Variants in TDRD5 observed in about 807,000 individuals in gnomAD.
The protein encoded by TDRD5 is tudor domain-containing protein 5.
A neutral mutation model predicts 120.6 loss-of-function variants in TDRD5; 41 were observed. The observed-to-expected ratio is 0.34, with a 90% CI of 0.26 to 0.44. The LOEUF (loss-of-function observed/expected upper bound fraction) is 0.44. Ranked by LOEUF, TDRD5 falls within the 20% of genes least tolerant of loss-of-function variation. The probability of loss-of-function intolerance (pLI) is 1.00; values close to 1 mark genes in which losing one functional copy is unlikely to be tolerated. For missense variants in TDRD5, 1,006 were observed against 1,221.2 expected (o/e 0.82, Z 2.63); for synonymous variants, 430 against 433.7 (o/e 0.99, Z 0.11).
chr1:179,652,105 T>G lies in TDRD5; in HGVS notation c.2068T>G (p.Leu690Val), dbSNP rs1187430918. 6.2e-7 allele frequency: 1 copy of G among 1,614,134 alleles called. No individual in the cohort carries two copies. The highest frequency in any genetic ancestry group is 8.5e-7 in the Non-Finnish European group (1 of 1,180,022). The change falls in exon 13 of 18, where the codon TTG becomes GTG. Residue 690 changes from leucine to valine, a missense_variant. Physicochemically the swap from Leu to Val is conservative, Grantham distance 32 (BLOSUM62 1). Coordinates refer to ENST00000444136, the MANE Select transcript of TDRD5 (RefSeq NM_001199085.3). The part of the protein sequence containing the change: ...TSSGGPEDIV[L>V]TELGYPSQQH... ...CAGTGGAGGGCCAGAGGACATTGTCTTGACAGAACTGGGTTATCCTTCCCA... is the reference window on the plus strand; with the variant it reads ...CAGTGGAGGGCCAGAGGACATTGTCGTGACAGAACTGGGTTATCCTTCCCA...
chr1:179,673,621 C>T (rs1679968935), intron 17 of TDRD5, among the ~76,000 whole-genome samples: 1 of 152,106 alleles, frequency 6.6e-6, no homozygotes, highest in African/African-American at 2.4e-5. Context: ...AGGGAGGGAG[C>T]TTCCAGGTCA....
chr1:179,634,440 C>T lies in TDRD5; in HGVS notation c.1127-17C>T, dbSNP rs200581172. On this transcript the variant is annotated splice_polypyrimidine_tract_variant and intron_variant, in intron 7 of 17. Coordinates refer to ENST00000444136, the MANE Select transcript of TDRD5 (RefSeq NM_001199085.3). ...TTTGAGATGGAGTTGTTTCATCAGTCGGAAATTTGTGTTTAGTTCAGTCAG... is the reference window on the plus strand; with the variant it reads ...TTTGAGATGGAGTTGTTTCATCAGTTGGAAATTTGTGTTTAGTTCAGTCAG... 1.6e-5 allele frequency: 26 copies of T among 1,582,162 alleles called. No homozygotes were observed. The highest frequency in any genetic ancestry group is 2.2e-5 in the East Asian group (1 of 44,718).
intron 4 of TDRD5, among the ~76,000 whole-genome samples, chr1:179,612,601 T>G (rs551400045): frequency 6.6e-6 from 1 of 152,246 alleles, no homozygotes; most frequent in African/African-American, 2.4e-5. Context: ...GGAACAGAGA[T>G]CTGGCATTTC....
intron 4 of TDRD5, 52 bp downstream of exon 4, chr1:179,595,870 G>A: frequency 6.6e-7 from 1 of 1,515,386 alleles, no homozygotes; most frequent in East Asian, 2.3e-5. Flanking sequence ...TAAATTCAGT[G>A]GTGTTAACAC....
intron 3 of TDRD5, among the ~76,000 whole-genome samples, chr1:179,595,323 G>A (rs568419659): frequency 6.6e-6 from 1 of 152,218 alleles, no homozygotes; most frequent in East Asian, 1.9e-4. Flanking sequence ...TCCTAAATGG[G>A]ATACAGCTTT....
intron 7 of TDRD5, among the ~76,000 whole-genome samples, chr1:179,632,607 T>C (rs1677519040): frequency 6.6e-6 from 1 of 152,050 alleles, no homozygotes; most frequent in South Asian, 2.1e-4. Flanking sequence ...TAGATAGATC[T>C]TTTTTTTTAA....
chr1:179,661,790 G>A (rs182164274), intron 14 of TDRD5, among the ~76,000 whole-genome samples: 22 of 152,136 alleles, frequency 1.4e-4, no homozygotes, highest in Middle Eastern at 3.4e-3. Context: ...TATAGATTTG[G>A]GTTGCTTCTC....
intron 17 of TDRD5, among the ~76,000 whole-genome samples, chr1:179,670,123 GGCTCACGC>G (rs1383755802): frequency 6.6e-6 from 1 of 152,180 alleles, no homozygotes; most frequent in African/African-American, 2.4e-5. Context: ...TGGGCACGAT[GGCTCACGC>G]CTGTAATCCC....
Position 179,630,813 on chromosome 1 carries a change from A to G in TDRD5, c.1019A>G (p.Asn340Ser). Residue 340 changes from asparagine to serine, a missense_variant, in exon 7 of 18, where the codon AAT (asparagine) becomes AGT (serine). By Grantham distance (46) the Asn-to-Ser change is conservative. Coordinates refer to ENST00000444136, the MANE Select transcript of TDRD5 (RefSeq NM_001199085.3). ...TCACCAAAAAAATTAGGCTTCTTAA[A>G]TGTGACAGAACTTGTTGGAGCTCTT... The part of the protein sequence containing the change: ...QLSPKKLGFL[N>S]VTELVGALSD... 6.2e-7 allele frequency: 1 copy of G among 1,614,036 alleles called. No individual in the cohort carries two copies. The highest frequency in any genetic ancestry group is 1.1e-5 in the South Asian group (1 of 91,054).
intron 17 of TDRD5, among the ~76,000 whole-genome samples, chr1:179,676,896 C>T (rs1680171976): frequency 6.6e-6 from 1 of 152,208 alleles, no homozygotes; most frequent in African/African-American, 2.4e-5. Context: ...ATCTAGATCT[C>T]TAGCAAGACC....
At chr1:179,599,881 CACTT>C (rs1675611703) in intron 4 of TDRD5, among the ~76,000 whole-genome samples, 1 of 152,154 alleles carries the variant, frequency 6.6e-6, no homozygotes. Context: ...TGCAATGCAA[CACTT>C]ACATTTGTGG....
intron 4 of TDRD5, among the ~76,000 whole-genome samples, chr1:179,615,559 C>T (rs541745393): frequency 7.2e-5 from 11 of 152,208 alleles, no homozygotes; most frequent in African/African-American, 2.6e-4. Flanking sequence ...ATCTCATTCG[C>T]TTGGTTTATT....
At chr1:179,687,552 A>G (rs899794607) in intron 17 of TDRD5, among the ~76,000 whole-genome samples, 4 of 152,190 alleles carry the variant, frequency 2.6e-5, no homozygotes, top group Non-Finnish European at 2.9e-5. Flanking sequence ...GTAGATGTCT[A>G]TTAGGTCTGC....
chr1:179,594,472 A>G (rs1268055835), intron 3 of TDRD5, among the ~76,000 whole-genome samples: 1 of 152,230 alleles, frequency 6.6e-6, no homozygotes, highest in African/African-American at 2.4e-5. Flanking sequence ...ATGGCTGGAA[A>G]AGTGGTACAG....
At chr1:179,626,009 A>C (rs1416130204) in intron 6 of TDRD5, among the ~76,000 whole-genome samples, 2 of 152,152 alleles carry the variant, frequency 1.3e-5, no homozygotes, top group South Asian at 4.2e-4. Flanking sequence ...GTGGGAATTG[A>C]ACAATGAGAA....
In TDRD5 at chr1:179,624,310, A is replaced by G. The variant is rs530099578; in HGVS notation, c.972+3219A>G. On this transcript the variant is annotated intron_variant, in intron 6 of 17. Transcript: ENST00000444136. ...GGATAAAGTGCATTTGTGAAAACCT[A>G]TTAATATACTTGTCATACTCAATGG... 2.7e-4 allele frequency among the ~76,000 whole-genome samples: 41 copies of G among 152,310 alleles called. No homozygotes were observed. In the South Asian group the frequency reaches 4.8e-3, roughly 18 times the overall value.
At chr1:179,612,935 CAA>C (rs35980053) in intron 4 of TDRD5, among the ~76,000 whole-genome samples, 7,138 of 88,274 alleles carry the variant, frequency 0.081, 173 homozygotes, top group Non-Finnish European at 0.092. Flanking sequence ...GACTTTGTCT[CAA>C]AAAAAAAAAA....
intron 6 of TDRD5, among the ~76,000 whole-genome samples, chr1:179,625,390 T>G (rs1256270938): frequency 6.6e-6 from 1 of 152,138 alleles, no homozygotes; most frequent in Non-Finnish European, 1.5e-5. Flanking sequence ...GACCACAGAC[T>G]GGGAAGAAAT....
chr1:179,677,414 T>C (rs949491458), intron 17 of TDRD5, among the ~76,000 whole-genome samples: 3 of 152,098 alleles, frequency 2.0e-5, no homozygotes, highest in Admixed American at 6.6e-5. Context: ...CTTTTAGGGG[T>C]GTTAAAGAAC....
Sources: gnomAD v4.1 joint callset for allele counts (sites outside exome capture counted in the v4.1 genomes callset) on GRCh38, gnomAD v4.1.1 for gene constraint, MANE v1.5 for transcripts, NCBI Gene and HGNC (gene_info 2026-07-23, HGNC 2026-07-21) for gene names.